Variants in ACTN2 observed in about 807,000 individuals in gnomAD.
The protein encoded by ACTN2 is actinin alpha 2, also known as alpha-actinin-2.
A neutral mutation model predicts 113.8 loss-of-function variants in ACTN2; 39 were observed. The observed-to-expected ratio is 0.34, with a 90% CI of 0.27 to 0.45. The LOEUF is 0.45. Among genes scored for constraint, ACTN2 ranks in the 20% least tolerant of loss-of-function variants. The pLI is 1.00. For missense variants in ACTN2, 992 were observed against 1,177.9 expected (o/e 0.84, Z 2.31); for synonymous variants, 429 against 444.1 (o/e 0.97, Z 0.43).
In ACTN2 at chr1:236,749,210, C is replaced by T. The variant is rs754706827; in HGVS notation, c.1602C>T (p.Gly534=). The change falls in exon 14 of 21, where the codon GGC becomes GGT. Residue 534 remains glycine (G), a synonymous_variant. Coordinates refer to ENST00000366578, the MANE Select transcript of ACTN2 (RefSeq NM_001103.4). ...RAAPFNNWME[G]AMEDLQDMFI... is the part of the protein sequence containing the mutation. ...CTCCTTTCAACAATTGGATGGAGGG[C>T]GCTATGGAGGATCTGCAAGATATGT... 27 of 1,613,952 alleles carry T rather than the reference C, an allele frequency of 1.7e-5. No individual in the cohort carries two copies. The highest frequency in any genetic ancestry group is 1.0e-4 in the Admixed American group (6 of 59,990).
intron 10 of ACTN2, among the ~76,000 whole-genome samples, chr1:236,741,748 T>C (rs1345147267): frequency 6.6e-6 from 1 of 152,226 alleles, no homozygotes; most frequent in Admixed American, 6.5e-5. Context: ...TTCTTCTTTT[T>C]CTTTTGCCCC....
intron 3 of ACTN2, among the ~76,000 whole-genome samples, 177 bp from the exon 4 acceptor site, chr1:236,719,928 G>T (rs1358466426): frequency 2.6e-5 from 4 of 151,986 alleles, no homozygotes; most frequent in African/African-American, 4.8e-5. Context: ...AGAGACATTT[G>T]GTTATGAATA....
chr1:236,753,882 T>G, intron 15 of ACTN2, 65 bp from the exon 16 acceptor site: 3 of 529,056 alleles, frequency 5.7e-6, no homozygotes, highest in Non-Finnish European at 7.4e-6. Context: ...TATTCCCGCA[T>G]TCTGTGGTTG....
chr1:236,731,406 G>A (rs889032976), intron 7 of ACTN2, 92 bp downstream of exon 7: 17 of 1,010,342 alleles, frequency 1.7e-5, no homozygotes, highest in African/African-American at 3.2e-5. Context: ...ATTTTATAGC[G>A]AAGTTACATC....
At chr1:236,733,355 C>G (rs761254850) in intron 7 of ACTN2, among the ~76,000 whole-genome samples, 7 of 152,184 alleles carry the variant, frequency 4.6e-5, no homozygotes, top group Non-Finnish European at 1.0e-4. Flanking sequence ...CAGTGTTACT[C>G]TGGCGCTGCT....
intron 1 of ACTN2, among the ~76,000 whole-genome samples, chr1:236,687,883 C>T (rs1162290834): frequency 6.6e-6 from 1 of 152,206 alleles, no homozygotes; most frequent in Non-Finnish European, 1.5e-5. Flanking sequence ...ATTTTTATAT[C>T]AGGATGTCTC....
intron 1 of ACTN2, among the ~76,000 whole-genome samples, chr1:236,705,799 G>A (rs933012028): frequency 1.3e-5 from 2 of 152,188 alleles, no homozygotes; most frequent in Non-Finnish European, 2.9e-5. Flanking sequence ...AGTATTAGTC[G>A]GGGCTAGATT....
At chr1:236,695,322 G>A (rs955156761) in intron 1 of ACTN2, among the ~76,000 whole-genome samples, 17 of 147,194 alleles carry the variant, frequency 1.2e-4, no homozygotes, top group African/African-American at 4.3e-4. Flanking sequence ...CGGCTGCTGT[G>A]AGCCAAGATC....
Position 236,755,210 on chromosome 1 carries a change from A to G in ACTN2, c.2154+12A>G, listed in dbSNP as rs925735821. The G allele has an allele frequency of 6.2e-7, 1 of 1,614,056 alleles. No homozygotes were observed. The highest frequency in any genetic ancestry group is 1.7e-5 in the Admixed American group (1 of 60,024). On this transcript the variant is annotated intron_variant, in intron 17 of 20. Transcript: ENST00000366578. ...ACTACACGATGGAGGTACGGCAGCC[A>G]GACAGGCGTGTGCCGCTCACTTCTC...
At chr1:236,697,782 G>C (rs145150943) in intron 1 of ACTN2, among the ~76,000 whole-genome samples, 1,784 of 138,238 alleles carry the variant, frequency 0.013, 73 homozygotes, top group Admixed American at 0.082. Flanking sequence ...TTTTTTTGGA[G>C]ACAGAGTCTT....
intron 12 of ACTN2, 87 bp from the exon 13 acceptor site, chr1:236,747,580 T>A: frequency 8.4e-7 from 1 of 1,197,208 alleles, no homozygotes; most frequent in Non-Finnish European, 1.2e-6. Context: ...GTTTTTAAAC[T>A]TCCCTGTTAT....
At chr1:236,716,099 C>CTTTTTTTT (rs74259944) in intron 1 of ACTN2, among the ~76,000 whole-genome samples, 1 of 118,136 alleles carries the variant, frequency 8.5e-6, no homozygotes. Flanking sequence ...CCTTCTTCTT[C>CTTTTTTTT]TTTTTTTTTT....
Position 236,721,033 on chromosome 1 carries a change from T to TTTTTTTTTTTG in ACTN2, c.448+852_448+853insGTTTTTTTTTT. On this transcript the variant is annotated intron_variant, in intron 4 of 20. Transcript: ENST00000366578. Reference sequence around the variant, plus strand: ...GGTTTTTGTTTTTTGTTTTTTTTTTTTTTTTTTTTTTTGAGACGGAGTCTC... The same window carrying TTTTTTTTTTTG: ...GGTTTTTGTTTTTTGTTTTTTTTTTTTTTTTTTTTTGTTTTTTTTTTTTGAGACGGAGTCTC... Among the ~76,000 whole-genome samples the TTTTTTTTTTTG allele has an allele frequency of 1.6e-4, 17 of 108,836 alleles. 1 individual carries two copies. The highest frequency in any genetic ancestry group is 5.4e-4 in the African/African-American group (16 of 29,430). The allele number at this position is 108,836 out of a possible 152,430, so 71.4% of individuals were successfully genotyped here.
intron 1 of ACTN2, among the ~76,000 whole-genome samples, chr1:236,715,237 A>G (rs1214132543): frequency 3.3e-5 from 5 of 150,456 alleles, no homozygotes; most frequent in African/African-American, 7.3e-5. Context: ...TACATGTGCC[A>G]TGTTGGTGTG....
chr1:236,695,248 T>C (rs1006476331), intron 1 of ACTN2, among the ~76,000 whole-genome samples: 6 of 149,976 alleles, frequency 4.0e-5, no homozygotes, highest in Non-Finnish European at 7.4e-5. Context: ...TATGGTGATG[T>C]CTGCCCATAA....
At chr1:236,747,218 G>A (rs1005366714) in intron 12 of ACTN2, among the ~76,000 whole-genome samples, 11 of 152,240 alleles carry the variant, frequency 7.2e-5, no homozygotes, top group African/African-American at 2.7e-4. Flanking sequence ...GAAATCTGTT[G>A]GCCAGCGAAA....
At chr1:236,693,607 C>T (rs763028368) in intron 1 of ACTN2, among the ~76,000 whole-genome samples, 7 of 152,182 alleles carry the variant, frequency 4.6e-5, no homozygotes, top group African/African-American at 1.2e-4. Context: ...TCCCACACCA[C>T]GGCCGTTGGG....
At chr1:236,715,498 A>G (rs1289791592) in intron 1 of ACTN2, among the ~76,000 whole-genome samples, 1 of 152,106 alleles carries the variant, frequency 6.6e-6, no homozygotes, top group East Asian at 1.9e-4. Context: ...GGAATGTTGT[A>G]TATTTGCACC....
At chr1:236,704,104 G>A (rs1657755961) in intron 1 of ACTN2, among the ~76,000 whole-genome samples, 1 of 152,160 alleles carries the variant, frequency 6.6e-6, no homozygotes, top group Non-Finnish European at 1.5e-5. Flanking sequence ...CGTGGAAAAG[G>A]AACTGCCTCA....
Sources: allele counts gnomAD v4.1 joint callset (sites outside exome capture counted in the v4.1 genomes callset), GRCh38; gene constraint gnomAD v4.1.1; transcripts MANE v1.5; gene names NCBI Gene and HGNC (gene_info 2026-07-23, HGNC 2026-07-21).